Variants in STK32B observed in about 807,000 individuals in gnomAD.
The protein encoded by STK32B is serine/threonine-protein kinase 32B.
In STK32B, 43 loss-of-function variants were observed where a neutral mutation model predicts 52.6. The observed-to-expected ratio is 0.82, with a 90% CI of 0.64 to 1.05. The LOEUF is 1.05. STK32B is among the 50% of genes least tolerant of loss of function. The pLI is 0.00. For missense variants in STK32B, 621 were observed against 534.6 expected (o/e 1.16, Z -1.59); for synonymous variants, 238 against 204.3 (o/e 1.17, Z -1.41).
At chr4:5,305,505 A>G (rs13435612) in intron 3 of STK32B, among the ~76,000 whole-genome samples, 1,723 of 152,162 alleles carry the variant, frequency 0.011, 21 homozygotes, top group South Asian at 0.057. Context: ...TGTTCATAGT[A>G]TCCTTGAATG....
At chr4:5,347,399 C>T (rs1279293357) in intron 4 of STK32B, among the ~76,000 whole-genome samples, 4 of 152,100 alleles carry the variant, frequency 2.6e-5, no homozygotes, top group Admixed American at 2.0e-4. Flanking sequence ...ATACCTAGAA[C>T]CTGGGAATAT....
At chr4:5,124,042 A>G (rs980793005) in intron 1 of STK32B, among the ~76,000 whole-genome samples, 4 of 152,168 alleles carry the variant, frequency 2.6e-5, no homozygotes, top group African/African-American at 9.7e-5. Flanking sequence ...AGAGGAGAAG[A>G]GAGGTAAGGT....
chr4:5,421,247 G>A (rs952297428), intron 6 of STK32B, among the ~76,000 whole-genome samples: 6 of 151,786 alleles, frequency 4.0e-5, no homozygotes, highest in Admixed American at 2.6e-4. Flanking sequence ...CCGCCACCAC[G>A]CCTGGCTATT....
At chr4:5,349,017 A>G (rs2108982480) in intron 4 of STK32B, among the ~76,000 whole-genome samples, 1 of 152,054 alleles carries the variant, frequency 6.6e-6, no homozygotes, top group South Asian at 2.1e-4. Flanking sequence ...CACTACAAAT[A>G]CCAGCATGGA....
At chr4:5,184,990 G>T (rs1023069586) in intron 3 of STK32B, among the ~76,000 whole-genome samples, 5 of 152,238 alleles carry the variant, frequency 3.3e-5, no homozygotes, top group African/African-American at 1.2e-4. Context: ...GAGCACCTGA[G>T]GTGAGGTTGC....
chr4:5,239,671 G>C lies in STK32B; in HGVS notation c.260+71221G>C, dbSNP rs151274093. 3.3e-5 allele frequency among the ~76,000 whole-genome samples: 5 copies of C among 152,300 alleles called. No homozygotes were observed. The East Asian group carries it at 9.7e-4, about 29-fold the overall frequency. ...CAGAAAGTCCAGAGGCATGAGAGGG[G>C]TTGTGGAAAGAGACTCAGAGGCAAG... On this transcript the variant is annotated intron_variant, in intron 3 of 11. Coordinates refer to ENST00000282908, the MANE Select transcript of STK32B (RefSeq NM_018401.3).
upstream of STK32B, among the ~76,000 whole-genome samples, chr4:5,050,497 G>A (rs141858748): frequency 6.6e-6 from 1 of 152,180 alleles, no homozygotes; most frequent in African/African-American, 2.4e-5. Context: ...AAGAAGGGGA[G>A]AGAACTGGAG....
intron 3 of STK32B, among the ~76,000 whole-genome samples, chr4:5,282,691 G>A (rs186307959): frequency 6.2e-4 from 94 of 152,136 alleles, no homozygotes; most frequent in Admixed American, 1.2e-3. Flanking sequence ...TCTACTTTAG[G>A]TGATCCTGGA....
chr4:5,105,376 G>A (rs893295004), intron 1 of STK32B, among the ~76,000 whole-genome samples: 2 of 152,110 alleles, frequency 1.3e-5, no homozygotes, highest in African/African-American at 4.8e-5. Context: ...ATGATTATTT[G>A]CATTTAGATA....
chr4:5,163,943 G>A (rs1718660022), intron 2 of STK32B, among the ~76,000 whole-genome samples: 2 of 152,138 alleles, frequency 1.3e-5, no homozygotes, highest in Admixed American at 1.3e-4. Context: ...CTCCGCATGG[G>A]CCACATGCTA....
chr4:5,271,261 T>G (rs1727411278), intron 3 of STK32B, among the ~76,000 whole-genome samples: 1 of 152,056 alleles, frequency 6.6e-6, no homozygotes, highest in African/African-American at 2.4e-5. Context: ...ATCTTTATAA[T>G]AACAACAGAA....
chr4:5,331,518 G>A (rs533710148), intron 4 of STK32B, 125 bp downstream of exon 4: 100 of 955,624 alleles, frequency 1.0e-4, no homozygotes, highest in Non-Finnish European at 1.5e-4. Flanking sequence ...GTGCATGAGG[G>A]AAAAAAGCAG....
At chr4:5,148,591 A>T (rs1717103833) in intron 2 of STK32B, among the ~76,000 whole-genome samples, 1 of 151,820 alleles carries the variant, frequency 6.6e-6, no homozygotes, top group South Asian at 2.1e-4. Context: ...TGGTCCAAGA[A>T]CATACTCTAC....
intron 11 of STK32B, among the ~76,000 whole-genome samples, chr4:5,487,555 A>G (rs56930786): frequency 0.011 from 1,611 of 152,338 alleles, 37 homozygotes; most frequent in African/African-American, 0.036. Flanking sequence ...ATTGAGTCAC[A>G]TTTTATGACT....
At chr4:5,218,379 A>C (rs573420918) in intron 3 of STK32B, among the ~76,000 whole-genome samples, 1 of 152,224 alleles carries the variant, frequency 6.6e-6, no homozygotes, top group Non-Finnish European at 1.5e-5. Flanking sequence ...GGAAAGAATA[A>C]CATCTTGGAA....
rs536216432 is a variant in STK32B at position 5,136,941 on chromosome 4, C to T, written c.53-2964C>T. Among the ~76,000 whole-genome samples, 13 of 152,154 alleles carry T rather than the reference C, an allele frequency of 8.5e-5. No individual in the cohort carries two copies. In the East Asian group the frequency reaches 2.1e-3, roughly 25 times the overall value. On this transcript the variant is annotated intron_variant, in intron 1 of 11. Coordinates refer to ENST00000282908, the MANE Select transcript of STK32B (RefSeq NM_018401.3). The stretch of plus-strand genomic sequence containing the variant: ...AAGCATTCATTAAGTGCCTTTTTGC[C>T]CCATACATTGTTAGTTTCCCCAAAG...
intron 3 of STK32B, among the ~76,000 whole-genome samples, chr4:5,280,353 T>G (rs1728113295): frequency 6.6e-6 from 1 of 152,150 alleles, no homozygotes; most frequent in African/African-American, 2.4e-5. Context: ...CAGCCTGGAC[T>G]TCACTGTCCA....
intron 3 of STK32B, among the ~76,000 whole-genome samples, chr4:5,169,422 G>A (rs971319783): frequency 1.3e-5 from 2 of 152,150 alleles, no homozygotes; most frequent in East Asian, 3.9e-4. Context: ...TAAGAGTTGG[G>A]ATGGCCACCC....
At chr4:5,120,073 C>A (rs1049801908) in intron 1 of STK32B, among the ~76,000 whole-genome samples, 4 of 152,162 alleles carry the variant, frequency 2.6e-5, no homozygotes, top group Admixed American at 2.6e-4. Flanking sequence ...TTCTAAGTAG[C>A]GTGATGAAAT....
Sources: gnomAD v4.1 joint callset for allele counts (sites outside exome capture counted in the v4.1 genomes callset) on GRCh38, gnomAD v4.1.1 for gene constraint, MANE v1.5 for transcripts, NCBI Gene and HGNC (gene_info 2026-07-23, HGNC 2026-07-21) for gene names.